B3GLCT: variants seen among roughly 807,000 people sequenced by gnomAD.
B3GLCT encodes beta-1,3-glucosyltransferase.
A neutral mutation model predicts 63.4 loss-of-function variants in B3GLCT; 65 were observed. The observed-to-expected ratio is 1.03, with a 90% confidence interval of 0.84 to 1.26. The LOEUF is 1.26. Among genes scored for constraint, B3GLCT ranks in the 50% most tolerant of loss-of-function variants. The pLI is 0.00. For synonymous variants in B3GLCT, 233 were observed against 219.2 expected, an observed-to-expected ratio of 1.06 and a Z score of -0.55; for missense variants, 577 against 604.8, an observed-to-expected ratio of 0.95 and a Z score of 0.48.
intron 10 of B3GLCT, among the ~76,000 whole-genome samples, chr13:31,277,879 G>A (rs1282028387): frequency 6.6e-6 from 1 of 152,040 alleles, no homozygotes; most frequent in Non-Finnish European, 1.5e-5. Flanking sequence ...CATTTGTTAT[G>A]CAACAAGTCC....
intron 4 of B3GLCT, among the ~76,000 whole-genome samples, chr13:31,232,655 T>C (rs1841358257): frequency 6.6e-6 from 1 of 152,210 alleles, no homozygotes; most frequent in Non-Finnish European, 1.5e-5. Context: ...CTTTGTATAT[T>C]GTAGATCCTG....
intron 2 of B3GLCT, among the ~76,000 whole-genome samples, chr13:31,220,922 T>G (rs1256256971): frequency 6.6e-6 from 1 of 152,226 alleles, no homozygotes; most frequent in Non-Finnish European, 1.5e-5. Flanking sequence ...TTGATGAAGG[T>G]GACTTTTGCT....
At chr13:31,287,434 G>A (rs1236520121) in intron 12 of B3GLCT, among the ~76,000 whole-genome samples, 1 of 152,116 alleles carries the variant, frequency 6.6e-6, no homozygotes, top group Non-Finnish European at 1.5e-5. Context: ...GCCTCAATAG[G>A]GGGGATAGTT....
intron 1 of B3GLCT, among the ~76,000 whole-genome samples, chr13:31,209,911 A>G (rs2137736346): frequency 6.6e-6 from 1 of 152,350 alleles, no homozygotes; most frequent in South Asian, 2.1e-4. Context: ...AATTGGGACA[A>G]AATCAAGTTA....
chr13:31,229,433 TTGAG>T (rs1249174459), intron 4 of B3GLCT, 139 bp downstream of exon 4: 3 of 704,490 alleles, frequency 4.3e-6, no homozygotes, highest in Non-Finnish European at 7.8e-6. Context: ...TTATTTAATA[TTGAG>T]TATTTGTTGT....
chr13:31,315,272 T>C (rs1247542433), intron 12 of B3GLCT, among the ~76,000 whole-genome samples: 4 of 152,130 alleles, frequency 2.6e-5, no homozygotes, highest in African/African-American at 9.7e-5. Flanking sequence ...TGAATGAAAG[T>C]TTGGAACTGC....
intron 7 of B3GLCT, among the ~76,000 whole-genome samples, chr13:31,268,945 T>C (rs890777782): frequency 2.6e-5 from 4 of 152,196 alleles, no homozygotes; most frequent in African/African-American, 9.7e-5. Flanking sequence ...GCTTATGACT[T>C]TTTTCCCCAA....
chr13:31,225,252 A>G (rs374118167), intron 3 of B3GLCT, among the ~76,000 whole-genome samples: 69 of 152,362 alleles, frequency 4.5e-4, no homozygotes, highest in African/African-American at 1.6e-3. Flanking sequence ...CAGTGAGTTT[A>G]AAGAAGTGCA....
intron 12 of B3GLCT, among the ~76,000 whole-genome samples, chr13:31,308,554 T>G (rs889199539): frequency 2.0e-5 from 3 of 152,060 alleles, no homozygotes; most frequent in African/African-American, 7.2e-5. Context: ...GTCTGGATTA[T>G]GTACACCCAT....
chr13:31,269,212 A>C lies in B3GLCT; in HGVS notation c.597-2A>C. The C allele has an allele frequency of 1.9e-6, 3 of 1,603,414 alleles. No homozygotes were observed. The highest frequency in any genetic ancestry group is 2.6e-6 in the Non-Finnish European group (3 of 1,170,636). ...AAAAATCAAATTGTCTCTATTTTCTAGGCTTACCAAGAGACTAAAGAGTGA... is the reference window on the plus strand; with the variant it reads ...AAAAATCAAATTGTCTCTATTTTCTCGGCTTACCAAGAGACTAAAGAGTGA... On this transcript the variant is annotated splice_acceptor_variant, in intron 7 of 14. Coordinates refer to ENST00000343307, the MANE Select transcript of B3GLCT (RefSeq NM_194318.4). LOFTEE classifies it high-confidence loss of function.
intron 4 of B3GLCT, among the ~76,000 whole-genome samples, chr13:31,246,559 G>A (rs762156189): frequency 6.0e-4 from 92 of 152,238 alleles, no homozygotes; most frequent in Non-Finnish European, 1.1e-3. Context: ...TTGCACATGA[G>A]GTAGATCAAA....
chr13:31,329,375 T>C, intron 14 of B3GLCT, 126 bp from the exon 15 acceptor site: 1 of 1,122,844 alleles, frequency 8.9e-7, no homozygotes. Context: ...TCCTTTTTGC[T>C]TTTAGATTCC....
At chr13:31,276,823 T>G in intron 10 of B3GLCT, 52 bp downstream of exon 10, 1 of 1,261,808 alleles carries the variant, frequency 7.9e-7, no homozygotes, top group Non-Finnish European at 1.2e-6. Context: ...GACTACCTTC[T>G]AAAGAAAAGT....
intron 11 of B3GLCT, among the ~76,000 whole-genome samples, chr13:31,285,552 TC>T (rs1184823266): frequency 6.6e-6 from 1 of 150,874 alleles, no homozygotes; most frequent in Non-Finnish European, 1.5e-5. Context: ...TATCCAGTGT[TC>T]CTGCCACCCT....
In B3GLCT at chr13:31,249,289, A is replaced by G. The variant is rs1871325067; in HGVS notation, c.459+1323A>G. Among the ~76,000 whole-genome samples the G allele has an allele frequency of 2.6e-5, 4 of 152,164 alleles. No homozygotes were observed. The South Asian group carries it at 8.3e-4, about 32-fold the overall frequency. Reference sequence around the variant, plus strand: ...ACTATGATTTTTCTTCATGCTTTTAATTTCTGGGAAGCTTTAGATATAATT... The same window carrying G: ...ACTATGATTTTTCTTCATGCTTTTAGTTTCTGGGAAGCTTTAGATATAATT... On this transcript the variant is annotated intron_variant, in intron 6 of 14. Transcript: ENST00000343307.
intron 1 of B3GLCT, among the ~76,000 whole-genome samples, chr13:31,203,401 A>G (rs1378628134): frequency 6.6e-6 from 1 of 152,158 alleles, no homozygotes; most frequent in Non-Finnish European, 1.5e-5. Context: ...CCAGTAGCCA[A>G]CAGCTAAGCC....
intron 14 of B3GLCT, 88 bp downstream of exon 14, chr13:31,323,983 T>C: frequency 6.7e-7 from 1 of 1,500,478 alleles, no homozygotes; most frequent in Non-Finnish European, 9.3e-7. Context: ...TCTTCACATA[T>C]TCGGGAAACA....
chr13:31,201,419 G>A (rs1302262584), intron 1 of B3GLCT, among the ~76,000 whole-genome samples: 1 of 152,156 alleles, frequency 6.6e-6, no homozygotes. Flanking sequence ...AAAATATTAG[G>A]GCACCTCCGG....
At chr13:31,208,172 G>A (rs186344546) in intron 1 of B3GLCT, among the ~76,000 whole-genome samples, 16 of 151,878 alleles carry the variant, frequency 1.1e-4, no homozygotes, top group Admixed American at 7.9e-4. Flanking sequence ...GCCCCGGCCC[G>A]GGTCTCCTCT....
Sources: allele counts gnomAD v4.1 joint callset (sites outside exome capture counted in the v4.1 genomes callset), GRCh38; gene constraint gnomAD v4.1.1; transcripts MANE v1.5; gene names NCBI Gene and HGNC (gene_info 2026-07-23, HGNC 2026-07-21).